PISD: variants seen among roughly 807,000 people sequenced by gnomAD.
The protein encoded by PISD is phosphatidylserine decarboxylase proenzyme, mitochondrial.
Under a neutral mutation model 43.5 loss-of-function variants are expected in PISD, and 31 were observed. That is an observed-to-expected ratio of 0.71 (90% CI 0.54 to 0.96). The LOEUF is 0.96. PISD is among the 40% of genes least tolerant of loss of function. The probability of loss-of-function intolerance (pLI) is 0.00; values close to 1 mark genes in which losing one functional copy is unlikely to be tolerated. For missense variants in PISD, 523 were observed against 548.4 expected, an observed-to-expected ratio of 0.95 and a Z score of 0.46; for synonymous variants, 259 against 228.7, an observed-to-expected ratio of 1.13 and a Z score of -1.20.
chr22:31,645,930 A>G (rs2073875806), intron 3 of PISD, among the ~76,000 whole-genome samples: 2 of 151,840 alleles, frequency 1.3e-5, no homozygotes, highest in Admixed American at 6.6e-5. Context: ...GACTTGGGTC[A>G]CATCCCCAAG....
In PISD at chr22:31,619,755, C is replaced by G. The variant is rs199697700; in HGVS notation, c.1087G>C (p.Val363Leu). 1.1e-4 allele frequency: 170 copies of G among 1,614,172 alleles called. No homozygotes were observed. Among genetic ancestry groups the G allele is most frequent in the Admixed American group, 2.3e-4 (14 of 60,032 alleles). Residue 363 changes from valine to leucine, a missense_variant, in exon 8 of 8, where the codon GTC becomes CTC. Val to Leu is a conservative substitution (Grantham distance 32, BLOSUM62 1). Coordinates refer to ENST00000439502, the MANE Select transcript of PISD (RefSeq NM_001326411.2). ...AGGTGCTCGCCCTTACGCATGGGGA[C>G]GCCCTCTCTATTGGTGTGCGTCACG... ...SFVTHTNREG[V>L]PMRKGEHLGE...
At chr22:31,652,178 T>A (rs9621304) in intron 1 of PISD, among the ~76,000 whole-genome samples, 3,938 of 152,158 alleles carry the variant, frequency 0.026, 150 homozygotes, top group African/African-American at 0.089. Context: ...TCTCACTCTG[T>A]TACCCAGGCT....
intron 3 of PISD, among the ~76,000 whole-genome samples, chr22:31,640,872 C>G (rs982560121): frequency 1.3e-4 from 8 of 59,562 alleles, no homozygotes; most frequent in African/African-American, 1.8e-4. Context: ...TGAGCCACCA[C>G]ACCCGGTGTT....
chr22:31,621,826 A>AT lies in PISD; in HGVS notation c.380dup (p.Asn127LysfsTer62). On this transcript the variant is annotated frameshift_variant, in exon 4 of 8. Coordinates refer to ENST00000439502, the MANE Select transcript of PISD (RefSeq NM_001326411.2). LOFTEE classifies it high-confidence loss of function. ...GCAGCCAGTGTGGCAGCTCCACCTG[A>AT]TTGAGGCGACCCCAGGCCCGTGACA... 13 of 1,613,100 alleles carry AT rather than the reference A, an allele frequency of 8.1e-6. No homozygotes were observed. The highest frequency in any genetic ancestry group is 1.1e-5 in the Non-Finnish European group (13 of 1,180,036).
chr22:31,630,639 G>T lies in PISD; in HGVS notation c.322-8754C>A. The stretch of plus-strand genomic sequence containing the variant: ...TCAACCTTGTCCGCGGGGCTCCTCA[G>T]GCCGGGGCCGCGTCGTCACAGCTGG... On this transcript the variant is annotated intron_variant, in intron 3 of 7. Coordinates refer to ENST00000439502, the MANE Select transcript of PISD (RefSeq NM_001326411.2). The surrounding 1 kb of genome is among the most constrained non-coding windows in gnomAD (Gnocchi z 4.4). The T allele has an allele frequency of 4.9e-6, 4 of 820,772 alleles. No homozygotes were observed. Among genetic ancestry groups the T allele is most frequent in the Non-Finnish European group, 4.4e-6 (3 of 679,466 alleles). 50.8% of individuals were successfully genotyped at this position (820,772 alleles called of 1,614,324 possible). A position where few individuals can be genotyped will look rare whatever the true frequency, so the allele number is the denominator to read the frequency against.
chr22:31,626,620 C>T (rs1022921351), intron 3 of PISD, among the ~76,000 whole-genome samples: 1 of 152,168 alleles, frequency 6.6e-6, no homozygotes. Flanking sequence ...GGGCTGGGAA[C>T]AGGCCAGGAC....
chr22:31,646,448 TA>T (rs1406889657), intron 3 of PISD, among the ~76,000 whole-genome samples: 18 of 152,204 alleles, frequency 1.2e-4, no homozygotes, highest in African/African-American at 4.3e-4. Context: ...GGTCTGAAAC[TA>T]TGTATGGCAA....
chr22:31,621,995 G>T, intron 3 of PISD, 110 bp from the exon 4 acceptor site: 1 of 833,246 alleles, frequency 1.2e-6, no homozygotes, highest in Non-Finnish European at 2.0e-6. Context: ...TGCACCCCAC[G>T]GAGGACACCA....
intron 3 of PISD, among the ~76,000 whole-genome samples, chr22:31,642,665 C>T (rs1034994784): frequency 1.1e-4 from 16 of 150,020 alleles, no homozygotes; most frequent in South Asian, 4.2e-4. Flanking sequence ...TGGTGGTGCG[C>T]GCACCTGTAG....
In PISD at chr22:31,621,315, C is replaced by G. The variant is rs200770866; in HGVS notation, c.697+19G>C. ...ACACAGCAGCAGGGCTGCCTAGCCCCGCCTGTGCAGTGACCCACCTGGTGG... is the reference window on the plus strand; with the variant it reads ...ACACAGCAGCAGGGCTGCCTAGCCCGGCCTGTGCAGTGACCCACCTGGTGG... On this transcript the variant is annotated intron_variant, in intron 5 of 7. Coordinates refer to ENST00000439502, the MANE Select transcript of PISD (RefSeq NM_001326411.2). 8.4e-4 allele frequency: 1,360 copies of G among 1,613,740 alleles called. 11 individuals carry two copies. In the African/African-American group the frequency reaches 0.015, roughly 18 times the overall value.
chr22:31,628,165 G>C (rs1165342948), intron 3 of PISD: 11 of 985,518 alleles, frequency 1.1e-5, no homozygotes, highest in African/African-American at 1.7e-5. Context: ...AATGAATCCA[G>C]CTTTGCCCCA....
At chr22:31,627,949 T>G (rs2072996930) in intron 3 of PISD, 1 of 864,378 alleles carries the variant, frequency 1.2e-6, no homozygotes, top group African/African-American at 1.8e-5. Context: ...CAGGGAAAGG[T>G]GAGCCCTGGA....
intron 2 of PISD, among the ~76,000 whole-genome samples, chr22:31,648,924 G>A (rs747573186): frequency 1.3e-5 from 2 of 152,166 alleles, no homozygotes; most frequent in East Asian, 1.9e-4. Flanking sequence ...TCACCAACAG[G>A]TCCAGAACTT....
chr22:31,628,146 A>T (rs2073010003), intron 3 of PISD: 1 of 985,552 alleles, frequency 1.0e-6, no homozygotes, highest in Admixed American at 6.1e-5. Flanking sequence ...GAAGATCGCC[A>T]GGGAGGAAAA....
chr22:31,660,295 A>G (rs1044590008), intron 1 of PISD, among the ~76,000 whole-genome samples: 5 of 152,160 alleles, frequency 3.3e-5, no homozygotes, highest in Non-Finnish European at 7.3e-5. Context: ...GTACTAAAAC[A>G]TAGCTTTTTT....
At chr22:31,659,615 G>A (rs902941484) in intron 1 of PISD, among the ~76,000 whole-genome samples, 6 of 151,524 alleles carry the variant, frequency 4.0e-5, no homozygotes, top group Non-Finnish European at 5.9e-5. Flanking sequence ...TTTTTGAGAC[G>A]GAGTCTTGCT....
chr22:31,640,199 C>CTTT (rs35782790), intron 3 of PISD, among the ~76,000 whole-genome samples: 5,870 of 139,314 alleles, frequency 0.042, 138 homozygotes, highest in Non-Finnish European at 0.049. Flanking sequence ...TTTCAAGCTA[C>CTTT]TTTTTTTTTT....
At chr22:31,628,755 A>T in intron 3 of PISD, 1 of 869,652 alleles carries the variant, frequency 1.1e-6, no homozygotes, top group Non-Finnish European at 1.4e-6. Flanking sequence ...CTTGAGGCTC[A>T]GAGCACAGCT....
chr22:31,656,681 T>TAAATAAATAAATAAAC (rs1384497131), intron 1 of PISD, among the ~76,000 whole-genome samples: 22 of 150,192 alleles, frequency 1.5e-4, no homozygotes, highest in African/African-American at 4.7e-4. Flanking sequence ...AATAAATAAA[T>TAAATAAATAAATAAAC]AAACAAAACA....
Sources: allele counts gnomAD v4.1 joint callset (sites outside exome capture counted in the v4.1 genomes callset), GRCh38; gene constraint gnomAD v4.1.1; non-coding constraint Gnocchi (gnomAD v3.1); transcripts MANE v1.5; gene names NCBI Gene and HGNC (gene_info 2026-07-23, HGNC 2026-07-21).